COQ4: variants seen among roughly 807,000 people sequenced by gnomAD.
COQ4 encodes the protein coenzyme Q4.
A neutral mutation model predicts 30.2 loss-of-function variants in COQ4; 36 were observed. That is an observed-to-expected ratio of 1.19 (90% CI 0.91 to 1.57). COQ4 has a LOEUF of 1.57. COQ4 is among the 40% of genes most tolerant of loss of function. The pLI is 0.00. For synonymous variants in COQ4, 197 were observed against 161.0 expected, an observed-to-expected ratio of 1.22 and a Z score of -1.69; for missense variants, 369 against 371.9, an observed-to-expected ratio of 0.99 and a Z score of 0.07.
At chr9:128,327,362 G>A (rs892586066) in intron 4 of COQ4, among the ~76,000 whole-genome samples, 2 of 152,042 alleles carry the variant, frequency 1.3e-5, no homozygotes, top group Non-Finnish European at 2.9e-5. Context: ...AGAATTGATT[G>A]AACCCGGGAG....
intron 2 of COQ4, 104 bp downstream of exon 2, chr9:128,323,251 C>A: frequency 1.8e-6 from 2 of 1,094,542 alleles, no homozygotes; most frequent in Non-Finnish European, 2.5e-6. Flanking sequence ...GGTTGCAGCT[C>A]GTAACCACTC....
chr9:128,329,642 T>C (rs1832374568), intron 4 of COQ4, among the ~76,000 whole-genome samples: 1 of 152,236 alleles, frequency 6.6e-6, no homozygotes, highest in South Asian at 2.1e-4. Context: ...AGTGTTGGGA[T>C]TACAGGCATG....
At position 128,333,704 on chromosome 9, in the gene COQ4, G is replaced by T. The variant is rs1017278418; in HGVS notation, c.*59G>T. On this transcript the variant is annotated 3_prime_UTR_variant, in exon 7 of 7. Coordinates refer to ENST00000300452, the MANE Select transcript of COQ4 (RefSeq NM_016035.5). ...CCATCCCCTGCTTCCCTTGGAGGCA[G>T]AGGGCTCCCTTGACTACCTTTGTTC... 2.9e-6 allele frequency: 4 copies of T among 1,400,036 alleles called. No individual in the cohort carries two copies. Among genetic ancestry groups the T allele is most frequent in the Non-Finnish European group, 3.8e-6 (4 of 1,059,318 alleles). The allele number at this position is 1,400,036 out of a possible 1,614,324, so 86.7% of individuals were successfully genotyped here. A position where few individuals can be genotyped will look rare whatever the true frequency, so the allele number is the denominator to read the frequency against.
intron 2 of COQ4, 151 bp downstream of exon 2, chr9:128,323,298 C>T: frequency 1.3e-6 from 1 of 757,366 alleles, no homozygotes; most frequent in Non-Finnish European, 2.0e-6. Context: ...TGGATCCCAC[C>T]TAAACGCACT....
At position 128,333,785 on chromosome 9, in the gene COQ4, T is replaced by G; in HGVS notation, c.*140T>G. 1.2e-6 allele frequency: 1 copy of G among 828,878 alleles called. No individual in the cohort carries two copies. The highest frequency in any genetic ancestry group is 1.7e-6 in the Non-Finnish European group (1 of 579,560). The allele number at this position is 828,878 out of a possible 1,614,324, so 51.3% of individuals were successfully genotyped here. Reference sequence around the variant, plus strand: ...ATTTATCATAATTTGTCATAACCACTGCTGAGTGGCCTTGAGGACGAACCC... The same window carrying G: ...ATTTATCATAATTTGTCATAACCACGGCTGAGTGGCCTTGAGGACGAACCC... On this transcript the variant is annotated 3_prime_UTR_variant, in exon 7 of 7. Transcript: ENST00000300452.
chr9:128,332,994 G>T, intron 6 of COQ4, 51 bp downstream of exon 6: 2 of 1,332,510 alleles, frequency 1.5e-6, no homozygotes, highest in South Asian at 2.3e-5. Context: ...TATCAGGACA[G>T]AACTCAGAGG....
At chr9:128,333,332 T>TCC (rs1832445667) in intron 6 of COQ4, 142 bp from the exon 7 acceptor site, 9 of 688,418 alleles carry the variant, frequency 1.3e-5, no homozygotes, top group Non-Finnish European at 2.1e-5. Context: ...TGAGCTCTGT[T>TCC]GCCTCATCTA....
At chr9:128,329,755 C>A (rs1487760310) in intron 4 of COQ4, among the ~76,000 whole-genome samples, 12 of 152,276 alleles carry the variant, frequency 7.9e-5, no homozygotes, top group Admixed American at 7.8e-4. Flanking sequence ...GTAAAAGACA[C>A]CCTAGGTGCC....
intron 4 of COQ4, among the ~76,000 whole-genome samples, chr9:128,329,106 A>G (rs373132267): frequency 1.2e-4 from 19 of 152,318 alleles, no homozygotes; most frequent in African/African-American, 4.6e-4. Context: ...TGGGCTTGAG[A>G]ATTAGGAGGA....
rs146599311 is a variant in COQ4, at chr9:128,323,847, A to C, written c.202+700A>C. Among the ~76,000 whole-genome samples, 217 of 152,316 alleles carry C rather than the reference A, an allele frequency of 1.4e-3. 1 individual carries two copies. The highest frequency in any genetic ancestry group is 4.9e-3 in the African/African-American group (202 of 41,584). On this transcript the variant is annotated intron_variant, in intron 2 of 6. Transcript: ENST00000300452. ...TGCATGCGGCTGTATTCCCAGGCTG[A>C]GGTGGAAGGACCATTTGAGCCGGGG...
chr9:128,333,442 T>G, intron 6 of COQ4, 32 bp from the exon 7 acceptor site: 1 of 1,483,132 alleles, frequency 6.7e-7, no homozygotes, highest in South Asian at 1.4e-5. Flanking sequence ...CCCAGGGACT[T>G]GATGTTTTCT....
rs199661029 is a variant in COQ4 at position 128,325,852 on chromosome 9, C to T, written c.373C>T (p.Arg125Cys). ...GAGCCTGCCGGAAGGCTCCCTCGGT[C>T]GCGAGTATCTCCGTTTCCTGGATGT... is the stretch of plus-strand genomic sequence containing the variant. Reference protein sequence around the residue: ...LQSLPEGSLGREYLRFLDVNR... With the variant: ...LQSLPEGSLGCEYLRFLDVNR... Residue 125 changes from arginine (R) to cysteine (C), a missense_variant, in exon 4 of 7, where the codon CGC becomes TGC. Transcript: ENST00000300452. The T allele has an allele frequency of 1.8e-5, 29 of 1,614,158 alleles. No individual in the cohort carries two copies. The highest frequency in any genetic ancestry group is 1.5e-4 in the African/African-American group (11 of 75,054).
At chr9:128,331,396 G>A (rs966418345) in intron 4 of COQ4, 4 of 152,064 alleles carry the variant, frequency 2.6e-5, no homozygotes, top group African/African-American at 9.7e-5. Context: ...TTGGTCTGTA[G>A]GTTAGGGGTG....
At chr9:128,323,794 A>C (rs1832262399) in intron 2 of COQ4, among the ~76,000 whole-genome samples, 1 of 152,222 alleles carries the variant, frequency 6.6e-6, no homozygotes, top group African/African-American at 2.4e-5. Context: ...CTCTACAAAA[A>C]AAAATACAAG....
At position 128,325,807 on chromosome 9, in the gene COQ4, C is replaced by G; in HGVS notation, c.328C>G (p.Leu110Val). Residue 110 changes from leucine (L) to valine (V), a missense_variant, in exon 4 of 7, where the codon CTC (leucine) becomes GTC (valine). Leu to Val is a conservative substitution (Grantham distance 32, BLOSUM62 1). Transcript: ENST00000300452. ...QERPRISTST[L>V]DLGKLQSLPE... ...GCGTCCCCGGATTTCGACATCCACC[C>G]TCGACCTGGGCAAGCTCCAGAGCCT... The G allele has an allele frequency of 6.2e-7, 1 of 1,614,206 alleles. No individual in the cohort carries two copies. The highest frequency in any genetic ancestry group is 1.1e-5 in the South Asian group (1 of 91,084).
chr9:128,332,718 C>G (rs1832435348), intron 5 of COQ4, 132 bp from the exon 6 acceptor site: 2 of 760,272 alleles, frequency 2.6e-6, no homozygotes, highest in Non-Finnish European at 4.7e-6. Flanking sequence ...GGGCCCAGCA[C>G]AGGCCAGGAC....
chr9:128,332,611 G>A, intron 5 of COQ4: 1 of 590,520 alleles, frequency 1.7e-6, no homozygotes. Flanking sequence ...ATGGGGTCAT[G>A]GGGTCCTCTG....
At position 128,332,927 on chromosome 9, in the gene COQ4, A is replaced by G; in HGVS notation, c.610A>G (p.Ile204Val). 1.2e-6 allele frequency: 2 copies of G among 1,614,034 alleles called. No individual in the cohort carries two copies. The highest frequency in any genetic ancestry group is 1.7e-6 in the Non-Finnish European group (2 of 1,179,916). The stretch of plus-strand genomic sequence containing the variant: ...CATCCTGGGTGCATTCTTTGGACCG[A>G]TCCGACTTGGCGCTCAGTAAGTTTT... ...MCILGAFFGPIRLGAQSLQVL... is the reference protein window; with the variant it reads ...MCILGAFFGPVRLGAQSLQVL... Residue 204 changes from isoleucine (I) to valine (V), a missense_variant, in exon 6 of 7, where the codon ATC becomes GTC. Ile to Val is a conservative substitution (Grantham distance 29, BLOSUM62 3). Coordinates refer to ENST00000300452, the MANE Select transcript of COQ4 (RefSeq NM_016035.5).
intron 4 of COQ4, among the ~76,000 whole-genome samples, chr9:128,326,959 G>T (rs1832333183): frequency 1.3e-5 from 2 of 151,106 alleles, no homozygotes; most frequent in South Asian, 4.2e-4. Flanking sequence ...TATTAACCAG[G>T]CTGGTCTTGA....
Sources: allele counts gnomAD v4.1 joint callset (sites outside exome capture counted in the v4.1 genomes callset), GRCh38; gene constraint gnomAD v4.1.1; transcripts MANE v1.5; gene names NCBI Gene and HGNC (gene_info 2026-07-23, HGNC 2026-07-21).